RALA: variants seen among roughly 807,000 people sequenced by gnomAD.
The protein encoded by RALA is RAS like proto-oncogene A, also known as ras-related protein Ral-A.
A neutral mutation model predicts 24.0 loss-of-function variants in RALA; 5 were observed. The ratio of observed to expected loss-of-function variants is 0.21; its 90% CI spans 0.11 to 0.44. The LOEUF is 0.44. Among genes scored for constraint, RALA ranks in the 20% least tolerant of loss-of-function variants. The probability of loss-of-function intolerance (pLI) is 0.99; values close to 1 mark genes in which losing one functional copy is unlikely to be tolerated. For missense variants in RALA, 95 were observed against 241.2 expected, an observed-to-expected ratio of 0.39 and a Z score of 4.01; for synonymous variants, 77 against 83.8, an observed-to-expected ratio of 0.92 and a Z score of 0.44.
At chr7:39,686,422 T>A (rs1482153377) in intron 1 of RALA, among the ~76,000 whole-genome samples, 1 of 152,232 alleles carries the variant, frequency 6.6e-6, no homozygotes. Context: ...AGAAATGCCC[T>A]TGAGTCATAG....
intron 1 of RALA, among the ~76,000 whole-genome samples, chr7:39,655,244 C>G (rs1213395556): frequency 6.6e-6 from 1 of 152,146 alleles, no homozygotes; most frequent in Non-Finnish European, 1.5e-5. Context: ...GAATACTACT[C>G]AGCAATAAAA....
At chr7:39,669,068 C>T (rs772690479) in intron 1 of RALA, among the ~76,000 whole-genome samples, 5 of 152,082 alleles carry the variant, frequency 3.3e-5, no homozygotes, top group South Asian at 2.1e-4. Flanking sequence ...GAACCGAGAT[C>T]GCACCACTGC....
At chr7:39,653,710 T>C (rs1249350092) in intron 1 of RALA, among the ~76,000 whole-genome samples, 2 of 152,156 alleles carry the variant, frequency 1.3e-5, no homozygotes, top group African/African-American at 2.4e-5. Flanking sequence ...TTTTGAACAT[T>C]AGTCTTGTAG....
intron 1 of RALA, among the ~76,000 whole-genome samples, chr7:39,683,840 A>AACAC (rs71964842): frequency 0.046 from 6,759 of 148,006 alleles, 166 homozygotes; most frequent in East Asian, 0.12. Context: ...TTTTCTTTTG[A>AACAC]ACACACACAC....
intron 1 of RALA, among the ~76,000 whole-genome samples, chr7:39,639,407 A>G (rs1791741595): frequency 6.6e-6 from 1 of 152,190 alleles, no homozygotes; most frequent in Admixed American, 6.5e-5. Flanking sequence ...CACAGTTAAA[A>G]AAGAAATGGC....
chr7:39,638,181 C>T (rs1250039881), intron 1 of RALA, among the ~76,000 whole-genome samples: 2 of 152,150 alleles, frequency 1.3e-5, no homozygotes, highest in Non-Finnish European at 2.9e-5. Flanking sequence ...TCACTCTAAC[C>T]TCTAACTCCT....
intron 1 of RALA, among the ~76,000 whole-genome samples, chr7:39,640,194 T>C (rs906502123): frequency 6.6e-6 from 1 of 152,116 alleles, no homozygotes; most frequent in African/African-American, 2.4e-5. Context: ...TATAGGTGCA[T>C]GGCATCACTC....
At chr7:39,658,985 A>T (rs982244296) in intron 1 of RALA, among the ~76,000 whole-genome samples, 6 of 152,162 alleles carry the variant, frequency 3.9e-5, no homozygotes, top group African/African-American at 1.4e-4. Flanking sequence ...ATTATTTAAA[A>T]TTTTAAGATA....
chr7:39,653,908 T>C (rs1482067617), intron 1 of RALA, among the ~76,000 whole-genome samples: 1 of 152,222 alleles, frequency 6.6e-6, no homozygotes, highest in African/African-American at 2.4e-5. Context: ...GAATATGTAC[T>C]AGTTATTTTC....
chr7:39,701,565 T>G (rs77032006), intron 4 of RALA, among the ~76,000 whole-genome samples: 15,471 of 152,228 alleles, frequency 0.1, 1,029 homozygotes, highest in Non-Finnish European at 0.15. Flanking sequence ...CCATTTCTTA[T>G]GTCATCCACT....
At chr7:39,664,605 C>T (rs1390921441) in intron 1 of RALA, among the ~76,000 whole-genome samples, 1 of 151,980 alleles carries the variant, frequency 6.6e-6, no homozygotes, top group Non-Finnish European at 1.5e-5. Context: ...TATGGAGGAC[C>T]CCAATAGAGG....
At chr7:39,626,108 A>G (rs1037179602) in intron 1 of RALA, among the ~76,000 whole-genome samples, 5 of 152,304 alleles carry the variant, frequency 3.3e-5, no homozygotes, top group Non-Finnish European at 7.4e-5. Context: ...CTTAGACACT[A>G]AGGAGAGGGA....
chr7:39,653,025 T>TATC (rs997673999), intron 1 of RALA, among the ~76,000 whole-genome samples: 6 of 151,524 alleles, frequency 4.0e-5, no homozygotes, highest in Admixed American at 3.9e-4. Context: ...CTCAAACTAT[T>TATC]ATTATTATTA....
At chr7:39,638,241 G>A (rs1369749889) in intron 1 of RALA, among the ~76,000 whole-genome samples, 2 of 152,174 alleles carry the variant, frequency 1.3e-5, no homozygotes, top group Non-Finnish European at 2.9e-5. Context: ...TGGGATTACA[G>A]GAGTGTGCCA....
rs1193827429 is a variant in RALA, at chr7:39,699,415, C to T, written c.498+2556C>T. On this transcript the variant is annotated intron_variant, in intron 4 of 4. Transcript: ENST00000005257. The stretch of plus-strand genomic sequence containing the variant: ...TCGGCCTCCCAAAGTGCTGGGATTA[C>T]AGGCGTGAGCCACCACGCCCGGCCT... Among the ~76,000 whole-genome samples, 3 of 152,254 alleles carry T rather than the reference C, an allele frequency of 2.0e-5. No individual in the cohort carries two copies. The East Asian group carries it at 5.8e-4, about 29-fold the overall frequency.
intron 1 of RALA, among the ~76,000 whole-genome samples, chr7:39,686,349 C>CAGTT (rs1792704533): frequency 6.6e-6 from 1 of 152,188 alleles, no homozygotes; most frequent in East Asian, 1.9e-4. Context: ...TGTCAGCATG[C>CAGTT]AGTTGTACTG....
intron 1 of RALA, among the ~76,000 whole-genome samples, chr7:39,681,675 T>C (rs1325417763): frequency 6.6e-6 from 1 of 152,148 alleles, no homozygotes; most frequent in Non-Finnish European, 1.5e-5. Context: ...CAGGGCTCTT[T>C]CCTTTGCCAC....
chr7:39,660,713 ATT>A (rs910677933), intron 1 of RALA, among the ~76,000 whole-genome samples: 43 of 152,278 alleles, frequency 2.8e-4, no homozygotes, highest in Non-Finnish European at 3.5e-4. Context: ...TATATTGGAA[ATT>A]TTTTTACAGA....
At chr7:39,633,085 A>G (rs1226947358) in intron 1 of RALA, among the ~76,000 whole-genome samples, 2 of 152,184 alleles carry the variant, frequency 1.3e-5, no homozygotes, top group East Asian at 1.9e-4. Context: ...TCATAGGTCT[A>G]TGAAAATCTA....
Sources: allele counts gnomAD v4.1 joint callset (sites outside exome capture counted in the v4.1 genomes callset), GRCh38; gene constraint gnomAD v4.1.1; transcripts MANE v1.5; gene names NCBI Gene and HGNC (gene_info 2026-07-23, HGNC 2026-07-21).